ENPP2: variants seen among roughly 807,000 people sequenced by gnomAD.
ENPP2 encodes autotaxin.
In ENPP2, 51 loss-of-function variants were observed where a neutral mutation model predicts 120.2. That is an observed-to-expected ratio of 0.42 (90% CI 0.34 to 0.54). The LOEUF is 0.54. Ranked by LOEUF, ENPP2 falls within the 20% of genes least tolerant of loss-of-function variation. The pLI, the probability that ENPP2 is intolerant of heterozygous loss-of-function variation, is 0.04. For missense variants in ENPP2, 920 were observed against 1,066.5 expected, an observed-to-expected ratio of 0.86 and a Z score of 1.91; for synonymous variants, 365 against 366.4, an observed-to-expected ratio of 1.00 and a Z score of 0.04.
At chr8:119,594,422 T>G (rs1813747289) in intron 11 of ENPP2, among the ~76,000 whole-genome samples, 1 of 152,228 alleles carries the variant, frequency 6.6e-6, no homozygotes, top group African/African-American at 2.4e-5. Context: ...AGAAACAAGT[T>G]ATTGCTTCTC....
intron 4 of ENPP2, among the ~76,000 whole-genome samples, chr8:119,620,422 G>A (rs1408630390): frequency 6.6e-6 from 1 of 152,122 alleles, no homozygotes; most frequent in Non-Finnish European, 1.5e-5. Context: ...GTTTGGGTAT[G>A]GGGAAATTCT....
exon 1 of ENPP2, chr8:119,673,338 C>A (rs972278550): frequency 3.4e-5 from 52 of 1,528,128 alleles, no homozygotes; most frequent in Non-Finnish European, 4.4e-5. Flanking sequence ...TGCAGCCCCG[C>A]GACCTGGGAG....
chr8:119,579,184 A>G (rs576903613), intron 19 of ENPP2, among the ~76,000 whole-genome samples: 2 of 152,324 alleles, frequency 1.3e-5, no homozygotes, highest in South Asian at 4.1e-4. Context: ...GAAACTTCAC[A>G]ATCAGATAAA....
At chr8:119,660,884 C>A (rs1177809422) in intron 1 of ENPP2, among the ~76,000 whole-genome samples, 3 of 152,156 alleles carry the variant, frequency 2.0e-5, no homozygotes, top group Non-Finnish European at 2.9e-5. Context: ...AAACAGAAGG[C>A]AGCCGCACAA....
At chr8:119,605,936 T>C (rs1814690993) in intron 9 of ENPP2, among the ~76,000 whole-genome samples, 1 of 152,196 alleles carries the variant, frequency 6.6e-6, no homozygotes, top group African/African-American at 2.4e-5. Flanking sequence ...CACAAAAGAA[T>C]GGAGCATCAG....
At chr8:119,597,276 C>T (rs894639197) in intron 11 of ENPP2, among the ~76,000 whole-genome samples, 7 of 152,150 alleles carry the variant, frequency 4.6e-5, no homozygotes, top group African/African-American at 1.4e-4. Context: ...GAGGATTTTC[C>T]GTTTCATGGT....
intron 20 of ENPP2, among the ~76,000 whole-genome samples, chr8:119,569,742 CTGTGTGTGTG>C (rs55992622): frequency 1.4e-5 from 2 of 146,310 alleles, no homozygotes; most frequent in Non-Finnish European, 3.0e-5. Flanking sequence ...GACTATTTAT[CTGTGTGTGTG>C]TGTGTGTGTG....
At chr8:119,630,632 T>G (rs1213519008) in intron 2 of ENPP2, among the ~76,000 whole-genome samples, 1 of 152,178 alleles carries the variant, frequency 6.6e-6, no homozygotes, top group South Asian at 2.1e-4. Flanking sequence ...GACAACTTTG[T>G]TAGAGTTAGC....
At chr8:119,641,100 C>A (rs1423365213), upstream of ENPP2, among the ~76,000 whole-genome samples, 3 of 152,172 alleles carry the variant, frequency 2.0e-5, no homozygotes, top group African/African-American at 7.2e-5. Context: ...CTTTTACCAG[C>A]TTGTTGTGCA....
chr8:119,590,399 G>T, intron 13 of ENPP2, 106 bp downstream of exon 13: 1 of 848,316 alleles, frequency 1.2e-6, no homozygotes, highest in Non-Finnish European at 1.7e-6. Context: ...CTAAGCGGTA[G>T]CAGAGCCAGA....
intron 1 of ENPP2, among the ~76,000 whole-genome samples, chr8:119,648,703 A>C (rs1331845820): frequency 6.6e-6 from 1 of 152,240 alleles, no homozygotes; most frequent in Admixed American, 6.5e-5. Context: ...GGCATTCAAC[A>C]AACTAGGAAG....
At chr8:119,634,975 A>G (rs746678778) in intron 2 of ENPP2, among the ~76,000 whole-genome samples, 4 of 152,100 alleles carry the variant, frequency 2.6e-5, no homozygotes, top group Non-Finnish European at 5.9e-5. Flanking sequence ...AAACTCCCCA[A>G]TTTCTACCTG....
intron 11 of ENPP2, among the ~76,000 whole-genome samples, chr8:119,598,552 A>C (rs1321024455): frequency 6.6e-6 from 1 of 152,198 alleles, no homozygotes; most frequent in African/African-American, 2.4e-5. Flanking sequence ...TTTGTTTCTT[A>C]ATTCACACAA....
intron 19 of ENPP2, chr8:119,571,228 G>T (rs1269673682): frequency 6.5e-6 from 1 of 155,038 alleles, no homozygotes. Context: ...GGCTTATCAG[G>T]TACACCAATG....
At chr8:119,640,343 G>A (rs868306061), upstream of ENPP2, among the ~76,000 whole-genome samples, 1 of 152,120 alleles carries the variant, frequency 6.6e-6, no homozygotes, top group Admixed American at 6.6e-5. Flanking sequence ...CTCCATGAAA[G>A]ATTTTCCTAT....
Position 119,628,030 on chromosome 8 carries a change from T to G in ENPP2, c.137-1310A>C, listed in dbSNP as rs535509596. Among the ~76,000 whole-genome samples, 6 of 151,384 alleles carry G rather than the reference T, an allele frequency of 4.0e-5. No homozygotes were observed. In the South Asian group the frequency reaches 1.2e-3, roughly 32 times the overall value. On this transcript the variant is annotated intron_variant, in intron 2 of 24. Transcript: ENST00000075322. ...GAGAGTTCATGAAACTTGAAAAAAT[T>G]TTAAACACTTATTTAAAAATAAAAT...
chr8:119,590,558 A>G lies in ENPP2; in HGVS notation c.1154T>C (p.Leu385Ser), dbSNP rs1371507383. The G allele has an allele frequency of 6.3e-7, 1 of 1,599,266 alleles. No homozygotes were observed. The highest frequency in any genetic ancestry group is 8.5e-7 in the Non-Finnish European group (1 of 1,172,474). ...AATTCTTCCTAGAGTTCCAGGCACT[A>G]AAGTAATATCATCCACATTAGTTAG... The part of the protein sequence containing the change: ...NYLTNVDDIT[L>S]VPGTLGRIRS... The change falls in exon 13 of 25, where the codon TTA becomes TCA. Residue 385 changes from leucine (L) to serine (S), a missense_variant. By Grantham distance (145) the Leu-to-Ser change is moderately radical (BLOSUM62 -2). Coordinates refer to ENST00000075322, the MANE Select transcript of ENPP2 (RefSeq NM_001040092.3).
intron 2 of ENPP2, among the ~76,000 whole-genome samples, chr8:119,628,368 AC>A (rs1183972852): frequency 6.6e-6 from 1 of 152,206 alleles, no homozygotes; most frequent in African/African-American, 2.4e-5. Context: ...TAAATGTTTC[AC>A]CCAGAAATTC....
intron 21 of ENPP2, 123 bp downstream of exon 21, chr8:119,569,112 C>A (rs755625360): frequency 2.4e-4 from 221 of 911,352 alleles, no homozygotes; most frequent in Non-Finnish European, 3.5e-4. Context: ...CATAAAAATT[C>A]ATTTAGATAA....
Sources: allele counts gnomAD v4.1 joint callset (sites outside exome capture counted in the v4.1 genomes callset), GRCh38; gene constraint gnomAD v4.1.1; transcripts MANE v1.5; gene names NCBI Gene and HGNC (gene_info 2026-07-23, HGNC 2026-07-21).